Variants in PRKN observed in about 807,000 individuals in gnomAD.
PRKN encodes the protein E3 ubiquitin-protein ligase parkin.
PRKN carries 56 observed loss-of-function variants against 59.5 expected under a neutral mutation model. The observed-to-expected ratio is 0.94, with a 90% CI of 0.76 to 1.18. PRKN has a LOEUF of 1.18. Ranked by LOEUF, PRKN falls within the 50% of genes most tolerant of loss-of-function variation. The pLI, the probability that PRKN is intolerant of heterozygous loss-of-function variation, is 0.00. For missense variants in PRKN, 657 were observed against 596.4 expected (o/e 1.10, Z -1.06); for synonymous variants, 250 against 222.1 (o/e 1.13, Z -1.12).
intron 1 of PRKN, among the ~76,000 whole-genome samples, chr6:162,674,882 G>T (rs1779475826): frequency 6.6e-6 from 1 of 152,282 alleles, no homozygotes; most frequent in Non-Finnish European, 1.5e-5. Context: ...CAATATTGCT[G>T]AGGGACAGTC....
chr6:162,221,608 T>G (rs1777938405), intron 3 of PRKN, among the ~76,000 whole-genome samples: 1 of 152,152 alleles, frequency 6.6e-6, no homozygotes, highest in Non-Finnish European at 1.5e-5. Context: ...GCCAAATACC[T>G]CAGTCTCCCA....
chr6:161,534,805 A>C (rs1432632489), intron 9 of PRKN, among the ~76,000 whole-genome samples: 1 of 152,220 alleles, frequency 6.6e-6, no homozygotes, highest in Non-Finnish European at 1.5e-5. Context: ...TTACTGATTT[A>C]TTTTAAATAT....
intron 2 of PRKN, among the ~76,000 whole-genome samples, chr6:162,418,967 A>T (rs941789017): frequency 1.3e-5 from 2 of 151,824 alleles, no homozygotes; most frequent in Non-Finnish European, 2.9e-5. Flanking sequence ...GGTGTCACAA[A>T]CTGGGAAGCA....
intron 7 of PRKN, among the ~76,000 whole-genome samples, chr6:161,740,023 G>A (rs1025920069): frequency 6.6e-6 from 1 of 152,156 alleles, no homozygotes; most frequent in Non-Finnish European, 1.5e-5. Context: ...CCAAAGTGCT[G>A]GGATTACAGG....
chr6:161,595,495 T>C (rs1781882235), intron 7 of PRKN, among the ~76,000 whole-genome samples: 1 of 152,236 alleles, frequency 6.6e-6, no homozygotes, highest in South Asian at 2.1e-4. Flanking sequence ...TCACAATCTC[T>C]TTCCACGCAG....
At chr6:162,369,500 G>T (rs1433557730) in intron 2 of PRKN, among the ~76,000 whole-genome samples, 1 of 152,094 alleles carries the variant, frequency 6.6e-6, no homozygotes, top group East Asian at 1.9e-4. Flanking sequence ...AATTTGTGTG[G>T]GTGATACAAT....
At chr6:161,875,964 C>T (rs1794718295) in intron 6 of PRKN, among the ~76,000 whole-genome samples, 1 of 152,100 alleles carries the variant, frequency 6.6e-6, no homozygotes, top group Non-Finnish European at 1.5e-5. Context: ...CTGAGACTTA[C>T]ATTCCCAGGT....
intron 1 of PRKN, among the ~76,000 whole-genome samples, chr6:162,541,868 T>C (rs989565476): frequency 6.6e-6 from 1 of 151,956 alleles, no homozygotes. Flanking sequence ...CTTCTGAGCT[T>C]TGCTGACATT....
At chr6:162,367,031 T>A (rs1785478907) in intron 2 of PRKN, among the ~76,000 whole-genome samples, 1 of 152,196 alleles carries the variant, frequency 6.6e-6, no homozygotes, top group South Asian at 2.1e-4. Flanking sequence ...GTAGTTCCCA[T>A]AATCCCCATG....
chr6:161,734,108 C>A (rs1787868505), intron 7 of PRKN, among the ~76,000 whole-genome samples: 1 of 151,874 alleles, frequency 6.6e-6, no homozygotes, highest in East Asian at 1.9e-4. Flanking sequence ...ATCCTTCCAG[C>A]CAGTGAACAC....
intron 2 of PRKN, among the ~76,000 whole-genome samples, chr6:162,320,703 T>C (rs1225586728): frequency 2.6e-5 from 4 of 151,866 alleles, no homozygotes; most frequent in Non-Finnish European, 4.4e-5. Flanking sequence ...ATACCTCATA[T>C]GGTCTAGCCA....
In PRKN at chr6:161,698,545, T is replaced by A. The variant is rs75777945; in HGVS notation, c.871+87227A>T. ...TTTTAAAAGGACAAATCTGAACAAC[T>A]AACACTATCTGCTTTTAAGACTTAT... On this transcript the variant is annotated intron_variant, in intron 7 of 11. Transcript: ENST00000366898. Among the ~76,000 whole-genome samples the A allele has an allele frequency of 4.2e-3, 637 of 152,184 alleles. 4 individuals carry two copies. The highest frequency in any genetic ancestry group is 5.8e-3 in the Non-Finnish European group (396 of 67,948).
intron 7 of PRKN, among the ~76,000 whole-genome samples, chr6:161,625,403 G>A (rs1783048255): frequency 6.6e-6 from 1 of 151,692 alleles, no homozygotes; most frequent in African/African-American, 2.4e-5. Context: ...TCACACATCG[G>A]GGCTGGTTGG....
Position 161,347,613 on chromosome 6 carries a change from G to GTTTTTTTTTTTTTTTTTTTTTTT in PRKN, c.*2485_*2486insAAAAAAAAAAAAAAAAAAAAAAA, listed in dbSNP as rs763588687. On this transcript the variant is annotated 3_prime_UTR_variant, in exon 12 of 12. Coordinates refer to ENST00000366898, the MANE Select transcript of PRKN (RefSeq NM_004562.3). ...GTGTAGTGGATGATCTTGCTTTTTT[G>GTTTTTTTTTTTTTTTTTTTTTTT]TTTTTGTTTTTTTTTTTTTTTTGAG... 4 of 119,274 alleles carry GTTTTTTTTTTTTTTTTTTTTTTT rather than the reference G, an allele frequency of 3.4e-5. 2 individuals are homozygous for GTTTTTTTTTTTTTTTTTTTTTTT. The highest frequency in any genetic ancestry group is 7.0e-5 in the African/African-American group (2 of 28,740). 7.4% of individuals were successfully genotyped at this position (119,274 alleles called of 1,614,324 possible).
chr6:162,397,911 C>T (rs1283185926), intron 2 of PRKN, among the ~76,000 whole-genome samples: 1 of 151,908 alleles, frequency 6.6e-6, no homozygotes, highest in Non-Finnish European at 1.5e-5. Flanking sequence ...GTGACTCCCA[C>T]CTGTAAGCCA....
At chr6:161,521,417 C>T (rs1778821282) in intron 9 of PRKN, among the ~76,000 whole-genome samples, 1 of 152,152 alleles carries the variant, frequency 6.6e-6, no homozygotes, top group African/African-American at 2.4e-5. Flanking sequence ...GGAAATTATG[C>T]AGAAACTCAA....
At chr6:161,693,029 G>C (rs779994278) in intron 7 of PRKN, among the ~76,000 whole-genome samples, 1 of 151,152 alleles carries the variant, frequency 6.6e-6, no homozygotes, top group African/African-American at 2.4e-5. Flanking sequence ...GGTAATTTTG[G>C]GTTCTTGATT....
chr6:162,703,997 T>G (rs1172719598), intron 1 of PRKN, among the ~76,000 whole-genome samples: 1 of 152,196 alleles, frequency 6.6e-6, no homozygotes, highest in South Asian at 2.1e-4. Flanking sequence ...GGAGGGGGAT[T>G]TGCTTTGTAA....
intron 1 of PRKN, among the ~76,000 whole-genome samples, chr6:162,681,397 C>G (rs1315637778): frequency 6.6e-6 from 1 of 152,056 alleles, no homozygotes; most frequent in African/African-American, 2.4e-5. Flanking sequence ...GGCAGGGAAC[C>G]TAAAGCTGTT....
Sources: allele counts gnomAD v4.1 joint callset (sites outside exome capture counted in the v4.1 genomes callset), GRCh38; gene constraint gnomAD v4.1.1; transcripts MANE v1.5; gene names NCBI Gene and HGNC (gene_info 2026-07-23, HGNC 2026-07-21).